MTO1: variants seen among roughly 807,000 people sequenced by gnomAD.
MTO1 encodes the protein 5-taurinomethyluridine-[tRNA] synthase subunit MTO1, mitochondrial.
Under a neutral mutation model 71.6 loss-of-function variants are expected in MTO1, and 46 were observed. The ratio of observed to expected loss-of-function variants is 0.64; its 90% confidence interval spans 0.51 to 0.82. The LOEUF (loss-of-function observed/expected upper bound fraction) is 0.82, where lower values mean the gene tolerates loss of function less well. Among genes scored for constraint, MTO1 ranks in the 40% least tolerant of loss-of-function variants. The pLI, the probability that MTO1 is intolerant of heterozygous loss-of-function variation, is 0.00. For missense variants in MTO1, 773 were observed against 867.5 expected (o/e 0.89, Z 1.37); for synonymous variants, 297 against 312.1 (o/e 0.95, Z 0.51).
At chr6:73,474,813 T>G (rs1360282068) in intron 4 of MTO1, among the ~76,000 whole-genome samples, 1 of 151,288 alleles carries the variant, frequency 6.6e-6, no homozygotes, top group Non-Finnish European at 1.5e-5. Context: ...TGGAGTGCAA[T>G]GGCGCAATCT....
At position 73,478,822 on chromosome 6, in the gene MTO1, G is replaced by A. The variant is rs572643986; in HGVS notation, c.826-910G>A. On this transcript the variant is annotated intron_variant, in intron 4 of 11. Coordinates refer to ENST00000498286, the MANE Select transcript of MTO1 (RefSeq NM_012123.4). ...CTCCCAAAGTGCTGGGATTACAGGC[G>A]TGAGCCACGGCGCCCAGCCCAAACA... is the stretch of plus-strand genomic sequence containing the variant. 2.7e-4 allele frequency among the ~76,000 whole-genome samples: 41 copies of A among 152,012 alleles called. No individual in the cohort carries two copies. The South Asian group carries it at 7.3e-3, about 27-fold the overall frequency.
intron 10 of MTO1, among the ~76,000 whole-genome samples, chr6:73,494,289 A>G (rs1160154406): frequency 1.3e-5 from 2 of 152,120 alleles, no homozygotes; most frequent in African/African-American, 4.8e-5. Flanking sequence ...GCATTTTGAT[A>G]GAAGGTGTTT....
At position 73,495,475 on chromosome 6, in the gene MTO1, C is replaced by T. The variant is rs1771956023; in HGVS notation, c.1757-2261C>T. Among the ~76,000 whole-genome samples the T allele has an allele frequency of 2.6e-5, 4 of 151,876 alleles. No homozygotes were observed. The South Asian group carries it at 8.3e-4, about 32-fold the overall frequency. On this transcript the variant is annotated intron_variant, in intron 10 of 11. Coordinates refer to ENST00000498286, the MANE Select transcript of MTO1 (RefSeq NM_012123.4). ...TATCATTAACTTGTTCATAGAAAGC[C>T]CTGACTTCAAACATTGAATAGCTAC...
intron 3 of MTO1, among the ~76,000 whole-genome samples, chr6:73,466,975 G>A (rs1017378020): frequency 3.3e-5 from 5 of 151,854 alleles, no homozygotes; most frequent in Admixed American, 6.6e-5. Flanking sequence ...AAAGAGTTAT[G>A]TATGTTTTTT....
intron 3 of MTO1, among the ~76,000 whole-genome samples, chr6:73,467,459 C>A (rs1174571873): frequency 6.6e-6 from 1 of 151,770 alleles, no homozygotes; most frequent in Non-Finnish European, 1.5e-5. Context: ...ACTAAAAATA[C>A]AAAATTAGCC....
chr6:73,504,305 A>G lies in MTO1; in HGVS notation c.*3570A>G, dbSNP rs1444310759. Reference sequence around the variant, plus strand: ...CACCACCATGCACGGCTAATTTTTAAGTTTTTGTAGATATGGGGTCTTACT... The same window carrying G: ...CACCACCATGCACGGCTAATTTTTAGGTTTTTGTAGATATGGGGTCTTACT... On this transcript the variant is annotated 3_prime_UTR_variant, in exon 12 of 12. Coordinates refer to ENST00000498286, the MANE Select transcript of MTO1 (RefSeq NM_012123.4). 1 of 152,040 alleles carries G rather than the reference A, an allele frequency of 6.6e-6. No homozygotes were observed. Among genetic ancestry groups the G allele is most frequent in the Admixed American group, 6.6e-5 (1 of 15,238 alleles). The allele number at this position is 152,040 out of a possible 1,614,324, so 9.4% of individuals were successfully genotyped here. A position where few individuals can be genotyped will look rare whatever the true frequency, so the allele number is the denominator to read the frequency against.
At chr6:73,463,567 G>T (rs1770888820) in intron 1 of MTO1, among the ~76,000 whole-genome samples, 1 of 152,082 alleles carries the variant, frequency 6.6e-6, no homozygotes. Context: ...TGTAAAAGTT[G>T]TGAATAAATC....
chr6:73,477,545 T>G (rs769121054), intron 4 of MTO1, among the ~76,000 whole-genome samples: 3 of 150,706 alleles, frequency 2.0e-5, no homozygotes, highest in Non-Finnish European at 4.4e-5. Flanking sequence ...CTCACTGTGT[T>G]GCCCAGGCTG....
chr6:73,485,247 A>T (rs1448747625), intron 9 of MTO1, among the ~76,000 whole-genome samples: 1 of 152,140 alleles, frequency 6.6e-6, no homozygotes, highest in Non-Finnish European at 1.5e-5. Context: ...ATGAAAACTT[A>T]TCAGCTATGT....
intron 4 of MTO1, among the ~76,000 whole-genome samples, chr6:73,474,486 G>A (rs1486352174): frequency 6.6e-6 from 1 of 152,054 alleles, no homozygotes; most frequent in Non-Finnish European, 1.5e-5. Context: ...GTCTCAGTCT[G>A]TCGCCCTGCT....
At position 73,479,912 on chromosome 6, in the gene MTO1, GT is replaced by G. The variant is rs779164018; in HGVS notation, c.939-21del. On this transcript the variant is annotated intron_variant, in intron 5 of 11. Coordinates refer to ENST00000498286, the MANE Select transcript of MTO1 (RefSeq NM_012123.4). ...GTCAATCCTCTTTTGTTCATTTCAA[GT>G]TTATTTAAATGTTCTATTCTAGATA... The G allele has an allele frequency of 1.1e-5, 18 of 1,605,764 alleles. No individual in the cohort carries two copies. In the South Asian group the frequency reaches 2.0e-4, roughly 18 times the overall value.
chr6:73,477,569 C>T (rs1254627886), intron 4 of MTO1, among the ~76,000 whole-genome samples: 5 of 146,808 alleles, frequency 3.4e-5, no homozygotes, highest in African/African-American at 1.3e-4. Context: ...TGCAGTGGTG[C>T]AATCTCAGCT....
chr6:73,469,004 ACTT>A (rs956290055), intron 3 of MTO1, among the ~76,000 whole-genome samples: 2 of 149,788 alleles, frequency 1.3e-5, no homozygotes, highest in African/African-American at 2.5e-5. Flanking sequence ...TTTTCTGTTG[ACTT>A]CTTTGCGTTT....
At chr6:73,474,483 T>G (rs1199116548) in intron 4 of MTO1, among the ~76,000 whole-genome samples, 1 of 152,120 alleles carries the variant, frequency 6.6e-6, no homozygotes, top group Non-Finnish European at 1.5e-5. Flanking sequence ...ACAGTCTCAG[T>G]CTGTCGCCCT....
At chr6:73,494,478 T>TC (rs1771925601) in intron 10 of MTO1, among the ~76,000 whole-genome samples, 1 of 146,814 alleles carries the variant, frequency 6.8e-6, no homozygotes, top group South Asian at 2.1e-4. Context: ...TCTTTTTTTT[T>TC]CTTTTTTTTT....
Position 73,462,091 on chromosome 6 carries a change from T to C in MTO1, c.217+20T>C. The C allele has an allele frequency of 6.2e-7, 1 of 1,609,694 alleles. No individual in the cohort carries two copies. The highest frequency in any genetic ancestry group is 1.7e-5 in the Admixed American group (1 of 59,940). On this transcript the variant is annotated intron_variant, in intron 1 of 11. Coordinates refer to ENST00000498286, the MANE Select transcript of MTO1 (RefSeq NM_012123.4). ...CGATCGGTGAGGAGCGCGGGTGCTG[T>C]GGAACTTGGCGTAGGACGCAGGCTG...
At chr6:73,485,164 G>C (rs757872683) in intron 9 of MTO1, among the ~76,000 whole-genome samples, 24 of 152,020 alleles carry the variant, frequency 1.6e-4, no homozygotes, top group Non-Finnish European at 3.2e-4. Flanking sequence ...GATGAATATT[G>C]AGAGTGTGGG....
At chr6:73,478,123 C>T (rs2150034572) in intron 4 of MTO1, among the ~76,000 whole-genome samples, 2 of 151,928 alleles carry the variant, frequency 1.3e-5, no homozygotes, top group Middle Eastern at 3.4e-3. Flanking sequence ...GTGGCATGCC[C>T]CTGTAGTCCC....
At chr6:73,490,431 AT>A (rs1375782165) in intron 9 of MTO1, among the ~76,000 whole-genome samples, 1 of 152,054 alleles carries the variant, frequency 6.6e-6, no homozygotes, top group East Asian at 1.9e-4. Flanking sequence ...TAGGTCTAAT[AT>A]TTAAGTCTTT....
Sources: gnomAD v4.1 joint callset for allele counts (sites outside exome capture counted in the v4.1 genomes callset) on GRCh38, gnomAD v4.1.1 for gene constraint, MANE v1.5 for transcripts, NCBI Gene and HGNC (gene_info 2026-07-23, HGNC 2026-07-21) for gene names.